Variants in RASIP1 observed in about 807,000 individuals in gnomAD.
RASIP1 encodes the protein Ras interacting protein 1, also known as ras-interacting protein 1.
In RASIP1, 20 loss-of-function variants were observed where a neutral mutation model predicts 85.3. That is an observed-to-expected ratio of 0.23 (90% CI 0.17 to 0.34). The LOEUF (loss-of-function observed/expected upper bound fraction) is 0.34, where lower values mean the gene tolerates loss of function less well. RASIP1 is among the 10% of genes least tolerant of loss of function. The pLI is 1.00. For synonymous variants in RASIP1, 617 were observed against 647.1 expected (o/e 0.95, Z 0.71); for missense variants, 1,170 against 1,390.9 (o/e 0.84, Z 2.53).
intron 3 of RASIP1, chr19:48,737,377 AC>A: frequency 1.3e-6 from 1 of 780,340 alleles, no homozygotes; most frequent in Non-Finnish European, 1.6e-6. Context: ...CCCTGAGCAG[AC>A]CCGTGCTTTC....
rs921781380 is a variant in RASIP1, at chr19:48,740,589, C to T, written c.-73G>A. On this transcript the variant is annotated 5_prime_UTR_variant, in exon 1 of 12. Transcript: ENST00000222145. The surrounding 1 kb of genome is among the most constrained non-coding windows in gnomAD (Gnocchi z 5.5). ...CCTGGGTCAGTTCCACTGCTCTTGC[C>T]TCTGCCACGGCTCCCAGCACTGGGT... 2.2e-6 allele frequency: 3 copies of T among 1,388,502 alleles called. No homozygotes were observed. Among genetic ancestry groups the T allele is most frequent in the Admixed American group, 6.2e-5 (2 of 32,516 alleles). 86.0% of individuals were successfully genotyped at this position (1,388,502 alleles called of 1,614,324 possible).
chr19:48,726,931 C>T, intron 7 of RASIP1, 43 bp from the exon 8 acceptor site: 1 of 1,609,012 alleles, frequency 6.2e-7, no homozygotes, highest in Non-Finnish European at 8.5e-7. Context: ...CAGAAGTCGG[C>T]AGCCAGGAGC....
chr19:48,738,931 C>T lies in RASIP1; in HGVS notation c.823+29G>A, dbSNP rs1302720503. The T allele has an allele frequency of 2.5e-6, 3 of 1,204,238 alleles. No homozygotes were observed. The highest frequency in any genetic ancestry group is 4.1e-5 in the South Asian group (1 of 24,620). The allele number at this position is 1,204,238 out of a possible 1,614,324, so 74.6% of individuals were successfully genotyped here. A position where few individuals can be genotyped will look rare whatever the true frequency, so the allele number is the denominator to read the frequency against. ...GACCCCGCCTCTCTGGCACCGAGTC[C>T]CCGCCCCAGAGCCCCGCCCGCCGCT... On this transcript the variant is annotated intron_variant, in intron 3 of 11. Coordinates refer to ENST00000222145, the MANE Select transcript of RASIP1 (RefSeq NM_017805.3). This position sits in a 1 kb window ranked among gnomAD's most constrained non-coding sequence, Gnocchi z 4.0.
At chr19:48,721,749 G>C in intron 11 of RASIP1, 105 bp downstream of exon 11, 3 of 1,392,018 alleles carry the variant, frequency 2.2e-6, no homozygotes, top group Non-Finnish European at 2.9e-6. Context: ...GTTGCAGTGA[G>C]CCAAGATCGC....
rs1275128755 is a variant in RASIP1 at position 48,737,565 on chromosome 19, CCGGCCCCT to C, written c.823+1387_823+1394del. 2.4e-5 allele frequency: 24 copies of C among 985,424 alleles called. 1 individual carries two copies. The East Asian group carries it at 1.7e-3, about 70-fold the overall frequency. 61.0% of individuals were successfully genotyped at this position (985,424 alleles called of 1,614,324 possible). Reference sequence around the variant, plus strand: ...CAGCCTAAGGCCGTCTTATCCAAGGCCGGCCCCTCAGCGGCTCCGCCCATCTTAGTCCC... The same window carrying C: ...CAGCCTAAGGCCGTCTTATCCAAGGCCAGCGGCTCCGCCCATCTTAGTCCC... On this transcript the variant is annotated intron_variant, in intron 3 of 11. Transcript: ENST00000222145.
chr19:48,727,519 C>G, intron 5 of RASIP1, 89 bp from the exon 6 acceptor site: 2 of 1,354,426 alleles, frequency 1.5e-6, no homozygotes, highest in Non-Finnish European at 2.1e-6. Context: ...AAGCACAACT[C>G]TCATAGAGAC....
chr19:48,728,883 G>C, intron 5 of RASIP1, 54 bp downstream of exon 5: 1 of 1,393,200 alleles, frequency 7.2e-7, no homozygotes. Context: ...AAGGGAGGCT[G>C]GAGAAGGGAC....
intron 4 of RASIP1, among the ~76,000 whole-genome samples, chr19:48,732,780 C>G (rs893295325): frequency 2.0e-5 from 3 of 152,190 alleles, no homozygotes; most frequent in Non-Finnish European, 4.4e-5. Flanking sequence ...TTCTTCCATA[C>G]AAGCTCTTTC....
chr19:48,739,592 G>A lies in RASIP1; in HGVS notation c.191C>T (p.Pro64Leu). ...CACTCGCCGCAGCTCCACGTGCGGC[G>A]GGGGCGGAGGTAGCGGCTCGCTGCT... Reference protein sequence around the residue: ...SRSSEPLPPPPPHVELRRVGA... With the variant: ...SRSSEPLPPPLPHVELRRVGA... Residue 64 changes from proline to leucine, a missense_variant, in exon 3 of 12, where the codon CCG (proline) becomes CTG (leucine). Transcript: ENST00000222145. The surrounding 1 kb of genome is among the most constrained non-coding windows in gnomAD (Gnocchi z 9.2). The A allele has an allele frequency of 6.8e-7, 1 of 1,481,280 alleles. No homozygotes were observed. The allele number at this position is 1,481,280 out of a possible 1,614,324, so 91.8% of individuals were successfully genotyped here.
In RASIP1 at chr19:48,734,912, C is replaced by T. The variant is rs569008464; in HGVS notation, c.1179+284G>A. On this transcript the variant is annotated intron_variant, in intron 4 of 11. Coordinates refer to ENST00000222145, the MANE Select transcript of RASIP1 (RefSeq NM_017805.3). ...TTATGAGAGTCAGCCGCACGCCTGG[C>T]GGGGATCTTCTTTCTACAATGGAAT... 1.2e-4 allele frequency among the ~76,000 whole-genome samples: 19 copies of T among 152,278 alleles called. No homozygotes were observed. In the South Asian group the frequency reaches 3.9e-3, roughly 32 times the overall value.
intron 11 of RASIP1, among the ~76,000 whole-genome samples, chr19:48,721,370 A>C (rs1375155925): frequency 6.6e-6 from 1 of 151,822 alleles, no homozygotes; most frequent in Non-Finnish European, 1.5e-5. Context: ...CGAACCCCAG[A>C]GAATAAAGGG....
Position 48,739,567 on chromosome 19 carries a change from C to T in RASIP1, c.216G>A (p.Val72=), listed in dbSNP as rs2033632653. The change falls in exon 3 of 12, where the codon GTG becomes GTA. Residue 72 remains valine, a synonymous_variant. Transcript: ENST00000222145. This position sits in a 1 kb window ranked among gnomAD's most constrained non-coding sequence, Gnocchi z 9.2. ...PPPPHVELRR[V]GAVKAAGGAS... Reference sequence around the variant, plus strand: ...CTCCCCCGGCCGCCTTGACAGCGCCCACTCGCCGCAGCTCCACGTGCGGCG... The same window carrying T: ...CTCCCCCGGCCGCCTTGACAGCGCCTACTCGCCGCAGCTCCACGTGCGGCG... 6.6e-7 allele frequency: 1 copy of T among 1,509,138 alleles called. No homozygotes were observed. Among genetic ancestry groups the T allele is most frequent in the Non-Finnish European group, 8.8e-7 (1 of 1,132,668 alleles). The allele number at this position is 1,509,138 out of a possible 1,614,324, so 93.5% of individuals were successfully genotyped here. A position where few individuals can be genotyped will look rare whatever the true frequency, so the allele number is the denominator to read the frequency against.
rs187056530 is a variant in RASIP1 at position 48,732,668 on chromosome 19, G to C, written c.1179+2528C>G. Among the ~76,000 whole-genome samples the C allele has an allele frequency of 2.6e-5, 4 of 152,194 alleles. No homozygotes were observed. The South Asian group carries it at 6.2e-4, about 24-fold the overall frequency. ...GACCACCTTCCCAAAAGAGACCTTC[G>C]TGTTCTCCAGCCTTGTCCAGAGGAA... On this transcript the variant is annotated intron_variant, in intron 4 of 11. Transcript: ENST00000222145.
At position 48,735,137 on chromosome 19, in the gene RASIP1, T is replaced by G. The variant is rs1002396360; in HGVS notation, c.1179+59A>C. ...CTTCTGGGAGTTGTAGTTTTGTTGCTCACCCACCAACAGATGGGGTATAGG... is the reference window on the plus strand; with the variant it reads ...CTTCTGGGAGTTGTAGTTTTGTTGCGCACCCACCAACAGATGGGGTATAGG... On this transcript the variant is annotated intron_variant, in intron 4 of 11. Transcript: ENST00000222145. The G allele has an allele frequency of 4.1e-6, 6 of 1,457,464 alleles. No individual in the cohort carries two copies. The African/African-American group carries it at 8.5e-5, about 21-fold the overall frequency. 90.3% of individuals were successfully genotyped at this position (1,457,464 alleles called of 1,614,324 possible). A position where few individuals can be genotyped will look rare whatever the true frequency, so the allele number is the denominator to read the frequency against.
Position 48,729,231 on chromosome 19 carries a change from G to A in RASIP1, c.1539C>T (p.Gly513=). 1 of 1,394,468 alleles carries A rather than the reference G, an allele frequency of 7.2e-7. No homozygotes were observed. The highest frequency in any genetic ancestry group is 9.3e-7 in the Non-Finnish European group (1 of 1,078,888). The allele number at this position is 1,394,468 out of a possible 1,614,324, so 86.4% of individuals were successfully genotyped here. The change falls in exon 5 of 12, where the codon GGC becomes GGT. Residue 513 remains glycine (G), a synonymous_variant. Transcript: ENST00000222145. The part of the protein sequence containing the change: ...LPARPGATPP[G]PGWAFSCRLC... The stretch of plus-strand genomic sequence containing the variant: ...GGCGACAGGAGAAGGCCCAGCCAGG[G>A]CCTGGCGGCGTGGCCCCGGGGCGCG...
chr19:48,730,387 C>A (rs2033433679), intron 4 of RASIP1, among the ~76,000 whole-genome samples: 1 of 152,048 alleles, frequency 6.6e-6, no homozygotes, highest in Non-Finnish European at 1.5e-5. Flanking sequence ...TGGTCTCGAT[C>A]TCTTGACCTT....
chr19:48,736,567 C>T (rs2033576619), intron 3 of RASIP1, among the ~76,000 whole-genome samples: 1 of 152,144 alleles, frequency 6.6e-6, no homozygotes, highest in Non-Finnish European at 1.5e-5. Context: ...GTGACTGCAC[C>T]ACTGGGTACT....
In RASIP1 at chr19:48,735,401, C is replaced by T; in HGVS notation, c.974G>A (p.Arg325His). ...CTGAAGGCTAAGCTCCGACACGCTG[C>T]GCCGCAAAGACAAGTTTTCTGAGCG... ...KERSENLSLR[R>H]SVSELSLQGR... The change falls in exon 4 of 12, where the codon CGC (arginine) becomes CAC (histidine). Residue 325 changes from arginine to histidine, a missense_variant. Coordinates refer to ENST00000222145, the MANE Select transcript of RASIP1 (RefSeq NM_017805.3). The T allele has an allele frequency of 1.2e-6, 2 of 1,612,796 alleles. No individual in the cohort carries two copies. The highest frequency in any genetic ancestry group is 1.1e-5 in the South Asian group (1 of 90,928).
At position 48,732,919 on chromosome 19, in the gene RASIP1, A is replaced by G. The variant is rs150994743; in HGVS notation, c.1179+2277T>C. 4.3e-3 allele frequency among the ~76,000 whole-genome samples: 659 copies of G among 152,322 alleles called. 1 individual carries two copies. Among genetic ancestry groups the G allele is most frequent in the African/African-American group, 9.5e-3 (394 of 41,576 alleles). On this transcript the variant is annotated intron_variant, in intron 4 of 11. Coordinates refer to ENST00000222145, the MANE Select transcript of RASIP1 (RefSeq NM_017805.3). ...ACCTTCTTTTTGTTTTTCATTTTTT[A>G]TAGAGACAAGGTTTTGCCATTGGTC... is the stretch of plus-strand genomic sequence containing the variant.
Sources: allele counts gnomAD v4.1 joint callset (sites outside exome capture counted in the v4.1 genomes callset), GRCh38; gene constraint gnomAD v4.1.1; non-coding constraint Gnocchi (gnomAD v3.1); transcripts MANE v1.5; gene names NCBI Gene and HGNC (gene_info 2026-07-23, HGNC 2026-07-21).